The following SYNE2 variants were observed in gnomAD, a reference collection of about 807,000 sequenced individuals.
SYNE2 encodes the protein spectrin repeat containing nuclear envelope protein 2.
A neutral mutation model predicts 856.3 loss-of-function variants in SYNE2; 431 were observed. The ratio of observed to expected loss-of-function variants is 0.50; its 90% confidence interval spans 0.47 to 0.55. The LOEUF is 0.55. SYNE2 is among the 20% of genes least tolerant of loss of function. The probability of loss-of-function intolerance (pLI) is 0.00; values close to 1 mark genes in which losing one functional copy is unlikely to be tolerated. For missense variants in SYNE2, 8,129 were observed against 8,023.2 expected (o/e 1.01, Z -0.50); for synonymous variants, 2,923 against 2,872.3 (o/e 1.02, Z -0.56).
intron 61 of SYNE2, among the ~76,000 whole-genome samples, chr14:64,094,530 A>G (rs1271417549): frequency 4.6e-5 from 7 of 152,216 alleles, no homozygotes; most frequent in Admixed American, 2.6e-4. Flanking sequence ...TTTTCTTGCC[A>G]TCAAATTGAT....
intron 61 of SYNE2, 64 bp from the exon 62 acceptor site, chr14:64,097,885 G>A (rs2097690172): frequency 1.9e-6 from 3 of 1,538,468 alleles, no homozygotes; most frequent in African/African-American, 1.4e-5. Context: ...AAAGGAAGCA[G>A]GCTGCTCTGG....
chr14:64,037,822 G>T (rs934633057), intron 45 of SYNE2, among the ~76,000 whole-genome samples: 2 of 148,350 alleles, frequency 1.3e-5, no homozygotes, highest in Admixed American at 6.7e-5. Flanking sequence ...TCCCGGACGG[G>T]GCGGCTGGCT....
chr14:63,950,070 C>T (rs763013071), intron 7 of SYNE2, 64 bp downstream of exon 7: 9 of 1,516,396 alleles, frequency 5.9e-6, no homozygotes, highest in African/African-American at 1.4e-5. Context: ...CACCACCTCA[C>T]CACCCAAACA....
intron 43 of SYNE2, among the ~76,000 whole-genome samples, chr14:64,028,251 GTTTA>G (rs200299020): frequency 5.9e-5 from 9 of 151,782 alleles, no homozygotes; most frequent in Middle Eastern, 3.4e-3. Context: ...GATTGATCCT[GTTTA>G]TTTATTTATT....
At chr14:64,109,782 A>G (rs1385295340) in intron 65 of SYNE2, among the ~76,000 whole-genome samples, 1 of 152,194 alleles carries the variant, frequency 6.6e-6, no homozygotes, top group East Asian at 1.9e-4. Context: ...TCATTGGCAC[A>G]GCACATCACT....
intron 1 of SYNE2, among the ~76,000 whole-genome samples, chr14:63,786,093 TA>T (rs562484949): frequency 6.6e-6 from 1 of 151,336 alleles, no homozygotes; most frequent in South Asian, 2.1e-4. Context: ...CTACTAAAAA[TA>T]AAAAAAATAG....
chr14:64,053,800 C>G (rs2097247125), intron 48 of SYNE2, 143 bp downstream of exon 48: 1 of 723,078 alleles, frequency 1.4e-6, no homozygotes, highest in Non-Finnish European at 2.2e-6. Flanking sequence ...TGCATGTATA[C>G]TAAAAATACA....
chr14:63,833,747 T>G (rs1268767838), intron 1 of SYNE2, among the ~76,000 whole-genome samples: 1 of 152,220 alleles, frequency 6.6e-6, no homozygotes, highest in East Asian at 1.9e-4. Context: ...TAAAACTTAA[T>G]AATTTTTGCA....
At chr14:63,871,246 C>T (rs1002293165) in intron 1 of SYNE2, among the ~76,000 whole-genome samples, 3 of 150,720 alleles carry the variant, frequency 2.0e-5, no homozygotes, top group Non-Finnish European at 2.9e-5. Context: ...ACTTTTGTTG[C>T]CCAGGCTGGA....
intron 1 of SYNE2, among the ~76,000 whole-genome samples, chr14:63,896,736 A>G (rs982424209): frequency 6.6e-6 from 1 of 152,110 alleles, no homozygotes; most frequent in African/African-American, 2.4e-5. Flanking sequence ...ATTTCCTCTC[A>G]TTTCTCTAAC....
At chr14:63,859,802 C>T (rs573183320) in intron 1 of SYNE2, among the ~76,000 whole-genome samples, 1 of 152,280 alleles carries the variant, frequency 6.6e-6, no homozygotes, top group Non-Finnish European at 1.5e-5. Flanking sequence ...GGCAACAGAG[C>T]AAGACTCTGC....
chr14:63,803,295 C>T (rs766222366), intron 1 of SYNE2, among the ~76,000 whole-genome samples: 8 of 152,218 alleles, frequency 5.3e-5, no homozygotes, highest in Non-Finnish European at 1.0e-4. Flanking sequence ...GTCGATGGGA[C>T]TGGGCGCCAT....
Position 64,024,987 on chromosome 14 carries a change from A to G in SYNE2, c.5916A>G (p.Pro1972=). 6.2e-7 allele frequency: 1 copy of G among 1,614,084 alleles called. No homozygotes were observed. The highest frequency in any genetic ancestry group is 8.5e-7 in the Non-Finnish European group (1 of 1,179,938). The stretch of plus-strand genomic sequence containing the variant: ...AGAAATGGAAAGGAATGGAAGAACC[A>G]GGGGAGAAAACTGAGCTGTTCTGCC... ...QEEKWKGMEE[P]GEKTELFCQA... is the part of the protein sequence containing the mutation. The change falls in exon 40 of 116, where the codon CCA becomes CCG. Residue 1972 remains proline, a synonymous_variant. Transcript: ENST00000555002.
chr14:64,013,253 A>G (rs2096861417), intron 32 of SYNE2, among the ~76,000 whole-genome samples: 1 of 152,208 alleles, frequency 6.6e-6, no homozygotes, highest in South Asian at 2.1e-4. Context: ...AATGAAGTAT[A>G]TCAATTAAAT....
chr14:64,121,197 C>A, intron 68 of SYNE2, 136 bp downstream of exon 68: 1 of 1,244,480 alleles, frequency 8.0e-7, no homozygotes, highest in Non-Finnish European at 1.2e-6. Context: ...CGAGGCCAGC[C>A]TGGGCAACAT....
Position 64,225,583 on chromosome 14 carries a change from A to G in SYNE2, c.*57A>G. ...TGCCTGATTGCCAAGGGTGCCCAGCACGTGGCCCCAGACCAATCTGAGTGA... is the reference window on the plus strand; with the variant it reads ...TGCCTGATTGCCAAGGGTGCCCAGCGCGTGGCCCCAGACCAATCTGAGTGA... On this transcript the variant is annotated 3_prime_UTR_variant, in exon 116 of 116. Transcript: ENST00000555002. The G allele has an allele frequency of 6.4e-7, 1 of 1,569,602 alleles. No individual in the cohort carries two copies.
intron 1 of SYNE2, among the ~76,000 whole-genome samples, chr14:63,855,458 C>G (rs1295182125): frequency 6.6e-6 from 1 of 152,154 alleles, no homozygotes; most frequent in Non-Finnish European, 1.5e-5. Flanking sequence ...GCTCTCCTCC[C>G]TACTCGAGTG....
intron 61 of SYNE2, among the ~76,000 whole-genome samples, chr14:64,095,712 G>A (rs2097671010): frequency 6.6e-6 from 1 of 152,120 alleles, no homozygotes; most frequent in South Asian, 2.1e-4. Flanking sequence ...TGCAGCAGAA[G>A]TGCCATATGC....
chr14:63,780,670 C>A (rs1034144744), intron 1 of SYNE2, among the ~76,000 whole-genome samples: 1 of 152,030 alleles, frequency 6.6e-6, no homozygotes, highest in Non-Finnish European at 1.5e-5. Flanking sequence ...GGTAACTGAC[C>A]TTCATAACTA....
Sources: gnomAD v4.1 joint callset for allele counts (sites outside exome capture counted in the v4.1 genomes callset) on GRCh38, gnomAD v4.1.1 for gene constraint, MANE v1.5 for transcripts, NCBI Gene and HGNC (gene_info 2026-07-23, HGNC 2026-07-21) for gene names.